The following COLEC10 variants were observed in gnomAD, a reference collection of about 807,000 sequenced individuals.
The protein encoded by COLEC10 is collectin-10.
In COLEC10, 22 loss-of-function variants were observed where a neutral mutation model predicts 28.4. That is an observed-to-expected ratio of 0.78 (90% CI 0.55 to 1.11). The LOEUF (loss-of-function observed/expected upper bound fraction) is 1.11, where lower values mean the gene tolerates loss of function less well. Ranked by LOEUF, COLEC10 falls within the 50% of genes least tolerant of loss-of-function variation. COLEC10 has a pLI of 0.00. For missense variants in COLEC10, 361 were observed against 344.1 expected (o/e 1.05, Z -0.39); for synonymous variants, 125 against 116.1 (o/e 1.08, Z -0.49).
chr8:119,076,673 C>T (rs1815244779), intron 1 of COLEC10, among the ~76,000 whole-genome samples: 2 of 152,212 alleles, frequency 1.3e-5, no homozygotes, highest in African/African-American at 4.8e-5. Flanking sequence ...ATGTGCAAGA[C>T]ATTGTAGCAT....
intron 2 of COLEC10, among the ~76,000 whole-genome samples, chr8:119,036,143 C>T (rs1814386265): frequency 6.6e-6 from 1 of 152,196 alleles, no homozygotes; most frequent in South Asian, 2.1e-4. Context: ...AATCTTCTTT[C>T]TCTAGCATCT....
chr8:118,996,748 A>C (rs1210577986), intron 1 of COLEC10, among the ~76,000 whole-genome samples: 1 of 152,204 alleles, frequency 6.6e-6, no homozygotes, highest in East Asian at 1.9e-4. Context: ...ATGGTTCTCC[A>C]GGCTGTACAG....
intron 3 of COLEC10, among the ~76,000 whole-genome samples, chr8:119,095,150 C>A (rs2130290811): frequency 6.6e-6 from 1 of 152,130 alleles, no homozygotes; most frequent in Admixed American, 6.6e-5. Context: ...GCTTGACATA[C>A]AAAAATCAAT....
At chr8:119,004,976 A>G (rs1413898395) in intron 1 of COLEC10, among the ~76,000 whole-genome samples, 1 of 151,956 alleles carries the variant, frequency 6.6e-6, no homozygotes, top group East Asian at 1.9e-4. Context: ...CTGCCTACAA[A>G]CTTTTATTAT....
chr8:118,989,584 C>T, the COLEC10 span, among the ~76,000 whole-genome samples: 1 of 148,576 alleles, frequency 6.7e-6, no homozygotes, highest in Non-Finnish European at 1.5e-5. Context: ...CACACCCCTA[C>T]CTACCCATAA....
At chr8:118,996,946 C>T (rs1288269591) in intron 1 of COLEC10, among the ~76,000 whole-genome samples, 1 of 152,160 alleles carries the variant, frequency 6.6e-6, no homozygotes, top group Non-Finnish European at 1.5e-5. Flanking sequence ...AGAACTCACT[C>T]ATTACCACAG....
chr8:119,070,777 G>C (rs940319500), intron 1 of COLEC10, among the ~76,000 whole-genome samples: 29 of 152,124 alleles, frequency 1.9e-4, no homozygotes, highest in Admixed American at 6.6e-4. Context: ...AAGCAAAAGA[G>C]AGACAAGTTT....
chr8:118,973,681 T>C, the COLEC10 span, among the ~76,000 whole-genome samples: 1 of 151,976 alleles, frequency 6.6e-6, no homozygotes, highest in African/African-American at 2.4e-5. Flanking sequence ...CACTCTCAAG[T>C]GGAAGGCATT....
At chr8:118,990,566 A>T (rs769674678), upstream of COLEC10, among the ~76,000 whole-genome samples, 1 of 152,198 alleles carries the variant, frequency 6.6e-6, no homozygotes, top group Middle Eastern at 3.2e-3. Flanking sequence ...CAAAACCTTC[A>T]AATATCATGT....
the COLEC10 span, among the ~76,000 whole-genome samples, chr8:118,957,151 T>C: frequency 2.0e-5 from 3 of 152,334 alleles, no homozygotes; most frequent in South Asian, 4.1e-4. Context: ...AACATATACA[T>C]TTATTCAGCA....
At chr8:119,088,746 T>A (rs769653598) in intron 1 of COLEC10, among the ~76,000 whole-genome samples, 29 of 152,176 alleles carry the variant, frequency 1.9e-4, no homozygotes, top group Non-Finnish European at 3.2e-4. Flanking sequence ...CGAAAACAAC[T>A]GAGTGAGGCC....
At chr8:119,033,025 C>T (rs7832395) in intron 2 of COLEC10, among the ~76,000 whole-genome samples, 2,566 of 152,176 alleles carry the variant, frequency 0.017, 30 homozygotes, top group Middle Eastern at 0.031. Context: ...CTCTTTTTTA[C>T]GCTGTAGTTA....
intron 3 of COLEC10, among the ~76,000 whole-genome samples, chr8:119,095,037 T>C (rs1048605301): frequency 1.3e-5 from 2 of 152,164 alleles, no homozygotes; most frequent in Admixed American, 6.6e-5. Context: ...TCATAATAAT[T>C]GAAAATAAAG....
Position 119,106,011 on chromosome 8 carries a change from A to G in COLEC10, c.654A>G (p.Gly218=). The G allele has an allele frequency of 1.2e-6, 2 of 1,613,764 alleles. No individual in the cohort carries two copies. The highest frequency in any genetic ancestry group is 1.7e-6 in the Non-Finnish European group (2 of 1,179,862). ...FIGVNDLERE[G]QYMFTDNTPL... Reference sequence around the variant, plus strand: ...GCGTGAATGACCTTGAAAGGGAGGGACAGTACATGTTCACAGACAACACTC... The same window carrying G: ...GCGTGAATGACCTTGAAAGGGAGGGGCAGTACATGTTCACAGACAACACTC... The change falls in exon 6 of 6, where the codon GGA becomes GGG. Residue 218 remains glycine (G), a synonymous_variant. Transcript: ENST00000332843.
chr8:118,997,999 C>T (rs1216001038), intron 1 of COLEC10, among the ~76,000 whole-genome samples: 3 of 152,106 alleles, frequency 2.0e-5, no homozygotes, highest in Non-Finnish European at 4.4e-5. Flanking sequence ...TGAAAAATAG[C>T]ACTGGAATGT....
chr8:119,027,327 G>A (rs2130119976), intron 2 of COLEC10, among the ~76,000 whole-genome samples: 1 of 152,194 alleles, frequency 6.6e-6, no homozygotes, highest in South Asian at 2.1e-4. Flanking sequence ...ATTTTATTAA[G>A]TTTTTCTTTT....
chr8:118,980,048 C>T, the COLEC10 span, among the ~76,000 whole-genome samples: 18 of 152,036 alleles, frequency 1.2e-4, no homozygotes, highest in Non-Finnish European at 1.9e-4. Context: ...CCACAGTCTT[C>T]TTACAACCTA....
At chr8:119,054,228 T>C (rs948107304) in intron 2 of COLEC10, among the ~76,000 whole-genome samples, 1 of 152,072 alleles carries the variant, frequency 6.6e-6, no homozygotes, top group African/African-American at 2.4e-5. Context: ...GGCACCCAAT[T>C]TAAAAACCTA....
At chr8:119,097,311 G>A (rs963555193) in intron 3 of COLEC10, among the ~76,000 whole-genome samples, 7 of 151,778 alleles carry the variant, frequency 4.6e-5, no homozygotes, top group Admixed American at 2.0e-4. Context: ...TGTGCTAAGC[G>A]AAAGAGTATT....
Sources: allele counts gnomAD v4.1 joint callset (sites outside exome capture counted in the v4.1 genomes callset), GRCh38; gene constraint gnomAD v4.1.1; transcripts MANE v1.5; gene names NCBI Gene and HGNC (gene_info 2026-07-23, HGNC 2026-07-21).